The following ENPEP variants were observed in gnomAD, a reference collection of about 807,000 sequenced individuals.
ENPEP encodes the protein glutamyl aminopeptidase.
Under a neutral mutation model 114.5 loss-of-function variants are expected in ENPEP, and 103 were observed. The observed-to-expected ratio is 0.90, with a 90% confidence interval of 0.77 to 1.06. The LOEUF (loss-of-function observed/expected upper bound fraction) is 1.06. ENPEP is among the 50% of genes least tolerant of loss of function. The probability of loss-of-function intolerance (pLI) is 0.00; values close to 1 mark genes in which losing one functional copy is unlikely to be tolerated. For missense variants in ENPEP, 1,196 were observed against 1,161.3 expected (o/e 1.03, Z -0.43); for synonymous variants, 420 against 422.0 (o/e 1.00, Z 0.06).
At chr4:110,522,175 G>C (rs1726016790) in intron 10 of ENPEP, among the ~76,000 whole-genome samples, 2 of 151,416 alleles carry the variant, frequency 1.3e-5, no homozygotes, top group African/African-American at 4.9e-5. Flanking sequence ...ACTGTGCCTG[G>C]ACTAGATAGG....
intron 13 of ENPEP, among the ~76,000 whole-genome samples, chr4:110,544,202 C>T (rs527840886): frequency 9.2e-5 from 14 of 152,180 alleles, no homozygotes; most frequent in African/African-American, 2.9e-4. Context: ...CTCTTAACTT[C>T]TCTCTGGCTC....
At chr4:110,506,934 G>A (rs1725395048) in intron 4 of ENPEP, among the ~76,000 whole-genome samples, 177 bp downstream of exon 4, 1 of 152,110 alleles carries the variant, frequency 6.6e-6, no homozygotes, top group South Asian at 2.1e-4. Context: ...CAAAATGCTA[G>A]GATTACAGGC....
At chr4:110,490,619 C>A (rs1408422507) in intron 2 of ENPEP, among the ~76,000 whole-genome samples, 2 of 152,146 alleles carry the variant, frequency 1.3e-5, no homozygotes, top group Non-Finnish European at 2.9e-5. Flanking sequence ...AAAAGAGAAG[C>A]CAATGTTCCG....
chr4:110,515,463 T>C, intron 8 of ENPEP, 21 bp downstream of exon 8: 1 of 1,564,292 alleles, frequency 6.4e-7, no homozygotes, highest in Non-Finnish European at 8.7e-7. Context: ...TTACTTTTAG[T>C]GATATCAAAA....
intron 3 of ENPEP, among the ~76,000 whole-genome samples, chr4:110,495,003 ATTATATGACTTTTTAG>A (rs1724872483): frequency 6.6e-6 from 1 of 152,152 alleles, no homozygotes. Flanking sequence ...GTATAGAGAG[ATTATATGACTTTTTAG>A]TTATGTGAAC....
chr4:110,505,761 T>G (rs112879371), intron 3 of ENPEP, among the ~76,000 whole-genome samples: 1 of 152,212 alleles, frequency 6.6e-6, no homozygotes, highest in Non-Finnish European at 1.5e-5. Context: ...TCTCACAAAC[T>G]TTTAGCAGAC....
chr4:110,514,580 C>A (rs1342772763), intron 7 of ENPEP, among the ~76,000 whole-genome samples: 4 of 151,982 alleles, frequency 2.6e-5, no homozygotes, highest in African/African-American at 9.7e-5. Flanking sequence ...CCTAGATACT[C>A]CTCAGGTTTA....
chr4:110,520,518 C>A lies in ENPEP; in HGVS notation c.1727+152C>A, dbSNP rs1725949686. 21 of 786,016 alleles carry A rather than the reference C, an allele frequency of 2.7e-5. No homozygotes were observed. The East Asian group carries it at 5.7e-4, about 21-fold the overall frequency. 48.7% of individuals were successfully genotyped at this position (786,016 alleles called of 1,614,324 possible). A position where few individuals can be genotyped will look rare whatever the true frequency, so the allele number is the denominator to read the frequency against. On this transcript the variant is annotated intron_variant, in intron 10 of 19. Coordinates refer to ENST00000265162, the MANE Select transcript of ENPEP (RefSeq NM_001977.4). The stretch of plus-strand genomic sequence containing the variant: ...GGGGAACAAGGAATTCAAAAATAGC[C>A]AAGTGATTTCCAGGTTTGAAATGGT...
intron 10 of ENPEP, among the ~76,000 whole-genome samples, chr4:110,527,229 A>C (rs892608105): frequency 6.6e-6 from 1 of 152,186 alleles, no homozygotes; most frequent in Admixed American, 6.5e-5. Flanking sequence ...GCCAGTTGAC[A>C]CCTGAACTGG....
At chr4:110,494,137 G>A (rs1247200440) in intron 3 of ENPEP, among the ~76,000 whole-genome samples, 1 of 152,198 alleles carries the variant, frequency 6.6e-6, no homozygotes, top group African/African-American at 2.4e-5. Context: ...ATAGTAGTCA[G>A]AGTTTTAGAA....
rs147936048 is a variant in ENPEP at position 110,512,054 on chromosome 4, G to A, written c.1309-1361G>A. Among the ~76,000 whole-genome samples the A allele has an allele frequency of 5.5e-3, 835 of 152,220 alleles. 6 individuals carry two copies. The highest frequency in any genetic ancestry group is 0.019 in the African/African-American group (786 of 41,540). On this transcript the variant is annotated intron_variant, in intron 6 of 19. Coordinates refer to ENST00000265162, the MANE Select transcript of ENPEP (RefSeq NM_001977.4). ...GCTGGGATTACAGGCGTGAGCCACC[G>A]AGCCCAGCCCATTCATTCATTCTTC...
chr4:110,521,961 C>T (rs1025093556), intron 10 of ENPEP, among the ~76,000 whole-genome samples: 2 of 151,926 alleles, frequency 1.3e-5, no homozygotes, highest in African/African-American at 2.4e-5. Context: ...CCACTGCAAC[C>T]TGTGCCTCCT....
At chr4:110,503,570 A>G (rs1560556257) in intron 3 of ENPEP, among the ~76,000 whole-genome samples, 1 of 152,136 alleles carries the variant, frequency 6.6e-6, no homozygotes, top group African/African-American at 2.4e-5. Context: ...CAGTCTGGTT[A>G]AGAACCCTTG....
chr4:110,539,264 T>C (rs1411913937), intron 11 of ENPEP, among the ~76,000 whole-genome samples: 1 of 152,164 alleles, frequency 6.6e-6, no homozygotes, highest in Non-Finnish European at 1.5e-5. Context: ...TGTACACCTT[T>C]CTTTACAGGC....
At chr4:110,546,261 A>T (rs112882975) in intron 13 of ENPEP, among the ~76,000 whole-genome samples, 203 of 152,122 alleles carry the variant, frequency 1.3e-3, no homozygotes, top group African/African-American at 4.8e-3. Flanking sequence ...GCATTGGAGC[A>T]TAGGACTTAG....
intron 10 of ENPEP, among the ~76,000 whole-genome samples, chr4:110,526,038 G>A (rs964360263): frequency 6.6e-6 from 1 of 152,132 alleles, no homozygotes; most frequent in Non-Finnish European, 1.5e-5. Context: ...CACTTTGGGA[G>A]GCCTAGGTGG....
At chr4:110,479,062 A>G (rs1258644475) in intron 1 of ENPEP, among the ~76,000 whole-genome samples, 5 of 152,238 alleles carry the variant, frequency 3.3e-5, no homozygotes, top group Non-Finnish European at 7.3e-5. Context: ...ATAGGAAAAC[A>G]TAAATTCATC....
At chr4:110,492,771 G>C (rs1578393324) in intron 3 of ENPEP, among the ~76,000 whole-genome samples, 1 of 152,262 alleles carries the variant, frequency 6.6e-6, no homozygotes, top group African/African-American at 2.4e-5. Context: ...GCTTAATATA[G>C]AGGTGAGAAC....
Position 110,510,610 on chromosome 4 carries a change from GAAA to G in ENPEP, c.1308+266_1308+268del, listed in dbSNP as rs55693513. Among the ~76,000 whole-genome samples the G allele has an allele frequency of 2.4e-3, 323 of 136,066 alleles. 1 individual carries two copies. Among genetic ancestry groups the G allele is most frequent in the African/African-American group, 8.6e-3 (315 of 36,492 alleles). The allele number at this position is 136,066 out of a possible 152,430, so 89.3% of individuals were successfully genotyped here. A position where few individuals can be genotyped will look rare whatever the true frequency, so the allele number is the denominator to read the frequency against. On this transcript the variant is annotated intron_variant, in intron 6 of 19. Coordinates refer to ENST00000265162, the MANE Select transcript of ENPEP (RefSeq NM_001977.4). ...CACTCAAAACACATTATCAAGGCAG[GAAA>G]AAAAAAAAAAAAACAGGTGGCATAG... is the stretch of plus-strand genomic sequence containing the variant.
Sources: gnomAD v4.1 joint callset for allele counts (sites outside exome capture counted in the v4.1 genomes callset) on GRCh38, gnomAD v4.1.1 for gene constraint, MANE v1.5 for transcripts, NCBI Gene and HGNC (gene_info 2026-07-23, HGNC 2026-07-21) for gene names.